THSD7B: variants seen among roughly 807,000 people sequenced by gnomAD.
THSD7B encodes the protein thrombospondin type-1 domain-containing protein 7B.
THSD7B carries 138 observed loss-of-function variants against 213.6 expected under a neutral mutation model. The ratio of observed to expected loss-of-function variants is 0.65; its 90% CI spans 0.56 to 0.74. THSD7B has a LOEUF of 0.74. Among genes scored for constraint, THSD7B ranks in the 30% least tolerant of loss-of-function variants. THSD7B has a pLI of 0.00. For synonymous variants in THSD7B, 742 were observed against 687.0 expected, an observed-to-expected ratio of 1.08 and a Z score of -1.25; for missense variants, 1,931 against 1,991.5, an observed-to-expected ratio of 0.97 and a Z score of 0.58.
At chr2:137,122,204 A>G (rs1688557209) in intron 5 of THSD7B, among the ~76,000 whole-genome samples, 2 of 152,214 alleles carry the variant, frequency 1.3e-5, no homozygotes, top group Non-Finnish European at 2.9e-5. Context: ...TATAGAAGCC[A>G]TGAAAATTGT....
chr2:136,998,111 A>G (rs78004641), intron 2 of THSD7B, among the ~76,000 whole-genome samples: 4,565 of 152,088 alleles, frequency 0.03, 104 homozygotes, highest in South Asian at 0.075. Context: ...ACCTCACTCA[A>G]TGCCGTGGCC....
rs188757134 is a variant in THSD7B, at chr2:137,180,028, A to G, written c.1723+9090A>G. On this transcript the variant is annotated intron_variant, in intron 7 of 27. Coordinates refer to ENST00000409968, the MANE Select transcript of THSD7B (RefSeq NM_001316349.2). ...CATTAATGGTAATTTTATTTCCTTT[A>G]TAGGTTATTGGTTCAGAAATGGGTA... 1.1e-4 allele frequency among the ~76,000 whole-genome samples: 17 copies of G among 152,238 alleles called. No homozygotes were observed. The East Asian group carries it at 3.1e-3, about 28-fold the overall frequency.
chr2:137,021,691 A>G (rs555812361), intron 2 of THSD7B, among the ~76,000 whole-genome samples: 10 of 152,350 alleles, frequency 6.6e-5, no homozygotes, highest in Admixed American at 5.9e-4. Context: ...AGTTAGATCC[A>G]GAGCATTTGT....
intron 3 of THSD7B, among the ~76,000 whole-genome samples, chr2:137,076,662 C>T (rs1687631384): frequency 6.6e-6 from 1 of 152,216 alleles, no homozygotes; most frequent in Non-Finnish European, 1.5e-5. Flanking sequence ...ATGCAGAAAT[C>T]ACCCATCTTC....
intron 2 of THSD7B, among the ~76,000 whole-genome samples, chr2:137,018,706 G>T (rs912503100): frequency 1.3e-5 from 2 of 152,280 alleles, no homozygotes; most frequent in African/African-American, 4.8e-5. Context: ...ATTTTGGTAA[G>T]TGAGATGGCA....
intron 12 of THSD7B, among the ~76,000 whole-genome samples, chr2:137,280,463 G>A (rs1158434513): frequency 6.6e-6 from 1 of 152,128 alleles, no homozygotes. Flanking sequence ...ACTTCATTAT[G>A]CATTTGTTGC....
intron 1 of THSD7B, among the ~76,000 whole-genome samples, chr2:136,809,224 G>A (rs79293321): frequency 1.5e-4 from 23 of 152,248 alleles, no homozygotes; most frequent in East Asian, 3.9e-4. Flanking sequence ...AGTAGGGGTC[G>A]TCAGGGCCCC....
At chr2:136,805,635 G>T (rs547758188) in intron 1 of THSD7B, among the ~76,000 whole-genome samples, 10 of 151,936 alleles carry the variant, frequency 6.6e-5, no homozygotes, top group African/African-American at 2.4e-4. Context: ...AAGCAGAACC[G>T]TATTGGCTGC....
intron 5 of THSD7B, among the ~76,000 whole-genome samples, chr2:137,158,757 C>G (rs1437651551): frequency 6.6e-6 from 1 of 152,102 alleles, no homozygotes; most frequent in Non-Finnish European, 1.5e-5. Context: ...TTGACTCTTA[C>G]ACGTGTTAAG....
intron 1 of THSD7B, among the ~76,000 whole-genome samples, chr2:136,824,151 A>G (rs546813306): frequency 6.6e-6 from 1 of 152,268 alleles, no homozygotes; most frequent in African/African-American, 2.4e-5. Flanking sequence ...TGTAGCCAAG[A>G]TTTGAATGTA....
At chr2:137,165,141 T>A (rs1374651035) in intron 6 of THSD7B, among the ~76,000 whole-genome samples, 1 of 152,098 alleles carries the variant, frequency 6.6e-6, no homozygotes, top group East Asian at 1.9e-4. Flanking sequence ...TAGGGACATG[T>A]TGAGATTGAT....
chr2:137,356,186 C>T (rs1685123603), intron 12 of THSD7B, among the ~76,000 whole-genome samples: 1 of 152,082 alleles, frequency 6.6e-6, no homozygotes, highest in African/African-American at 2.4e-5. Context: ...AACAAATTTG[C>T]ATATCTTTAT....
intron 17 of THSD7B, among the ~76,000 whole-genome samples, chr2:137,582,234 A>G (rs1681596519): frequency 6.6e-6 from 1 of 152,172 alleles, no homozygotes; most frequent in Admixed American, 6.5e-5. Context: ...TATTCTTCCC[A>G]TCAACATATT....
intron 3 of THSD7B, among the ~76,000 whole-genome samples, chr2:137,073,197 A>G (rs1687537630): frequency 1.3e-5 from 2 of 152,016 alleles, no homozygotes; most frequent in Non-Finnish European, 2.9e-5. Context: ...TCCTCTTTGT[A>G]CCTCTGGTAG....
chr2:137,652,793 T>C (rs1369897225), intron 21 of THSD7B, among the ~76,000 whole-genome samples: 1 of 152,138 alleles, frequency 6.6e-6, no homozygotes, highest in Non-Finnish European at 1.5e-5. Context: ...AGATGACAAG[T>C]TCACTTAGAT....
intron 12 of THSD7B, among the ~76,000 whole-genome samples, chr2:137,347,970 A>C (rs1325087804): frequency 7.1e-6 from 1 of 140,318 alleles, no homozygotes; most frequent in Non-Finnish European, 1.5e-5. Flanking sequence ...CCTCATTTTC[A>C]AAAAAAAAAA....
intron 12 of THSD7B, among the ~76,000 whole-genome samples, chr2:137,337,135 C>T (rs1292171910): frequency 6.6e-6 from 1 of 151,790 alleles, no homozygotes; most frequent in Non-Finnish European, 1.5e-5. Flanking sequence ...TAAACCAGGA[C>T]ATCAGCATTG....
At chr2:137,063,535 C>T (rs1687318630) in intron 3 of THSD7B, among the ~76,000 whole-genome samples, 1 of 151,866 alleles carries the variant, frequency 6.6e-6, no homozygotes. Context: ...ATAAACAATC[C>T]AGTTATACTC....
intron 1 of THSD7B, among the ~76,000 whole-genome samples, chr2:136,863,605 C>T (rs1374875060): frequency 6.6e-6 from 1 of 152,162 alleles, no homozygotes; most frequent in Non-Finnish European, 1.5e-5. Flanking sequence ...AATTTGGCCT[C>T]ATTTCTCTGA....
Sources: gnomAD v4.1 joint callset for allele counts (sites outside exome capture counted in the v4.1 genomes callset) on GRCh38, gnomAD v4.1.1 for gene constraint, MANE v1.5 for transcripts, NCBI Gene and HGNC (gene_info 2026-07-23, HGNC 2026-07-21) for gene names.